NEGR1: variants seen among roughly 807,000 people sequenced by gnomAD.
NEGR1 encodes IgLON family member 4.
NEGR1 carries 10 observed loss-of-function variants against 40.9 expected under a neutral mutation model. That is an observed-to-expected ratio of 0.24 (90% confidence interval 0.15 to 0.42). The LOEUF (loss-of-function observed/expected upper bound fraction) is 0.42, where lower values mean the gene tolerates loss of function less well. NEGR1 is among the 10% of genes least tolerant of loss of function. The pLI is 1.00. For synonymous variants in NEGR1, 185 were observed against 166.8 expected (o/e 1.11, Z -0.84); for missense variants, 352 against 438.9 (o/e 0.80, Z 1.77).
intron 6 of NEGR1, among the ~76,000 whole-genome samples, chr1:71,465,865 A>G (rs1455436324): frequency 6.6e-6 from 1 of 152,086 alleles, no homozygotes; most frequent in Non-Finnish European, 1.5e-5. Context: ...GAAAATTATT[A>G]TCTTGGTTCA....
At chr1:71,554,894 A>T (rs1438358209) in intron 6 of NEGR1, among the ~76,000 whole-genome samples, 1 of 151,504 alleles carries the variant, frequency 6.6e-6, no homozygotes, top group Non-Finnish European at 1.5e-5. Flanking sequence ...AGTCCCAGAA[A>T]TCCAAGAACC....
chr1:71,685,407 C>T (rs1652998745), intron 4 of NEGR1, among the ~76,000 whole-genome samples: 1 of 151,304 alleles, frequency 6.6e-6, no homozygotes, highest in Non-Finnish European at 1.5e-5. Flanking sequence ...ACTGCAAACT[C>T]CGCCTCCTGG....
intron 1 of NEGR1, among the ~76,000 whole-genome samples, chr1:72,202,889 G>T (rs1653265325): frequency 6.6e-6 from 1 of 151,880 alleles, no homozygotes; most frequent in South Asian, 2.1e-4. Flanking sequence ...CCTATAAATA[G>T]AACAAAGCCT....
intron 2 of NEGR1, among the ~76,000 whole-genome samples, chr1:71,931,910 T>G (rs560781203): frequency 1.4e-4 from 22 of 152,178 alleles, no homozygotes; most frequent in Non-Finnish European, 1.9e-4. Flanking sequence ...AAATTAGTTC[T>G]TAGTAAATAT....
intron 1 of NEGR1, among the ~76,000 whole-genome samples, chr1:72,155,400 A>T (rs936840863): frequency 6.6e-6 from 1 of 152,078 alleles, no homozygotes; most frequent in Non-Finnish European, 1.5e-5. Context: ...TTTGTCAATT[A>T]TCCTAAGAAC....
intron 2 of NEGR1, among the ~76,000 whole-genome samples, chr1:71,831,511 C>G (rs1036848355): frequency 3.3e-5 from 5 of 151,860 alleles, no homozygotes; most frequent in African/African-American, 7.3e-5. Flanking sequence ...TCATGGAGAA[C>G]CTACTGTGAG....
intron 1 of NEGR1, among the ~76,000 whole-genome samples, chr1:72,232,124 G>A (rs1654385266): frequency 6.6e-6 from 1 of 152,176 alleles, no homozygotes; most frequent in South Asian, 2.1e-4. Context: ...GGGAGGCTGA[G>A]GCGGGCGGAT....
At chr1:72,251,381 G>T (rs1655083275) in intron 1 of NEGR1, among the ~76,000 whole-genome samples, 2 of 152,068 alleles carry the variant, frequency 1.3e-5, no homozygotes, top group Admixed American at 1.3e-4. Flanking sequence ...AACATTAATA[G>T]ATAATAATTA....
intron 4 of NEGR1, among the ~76,000 whole-genome samples, chr1:71,650,864 A>C (rs1651691251): frequency 6.6e-6 from 1 of 152,136 alleles, no homozygotes; most frequent in Non-Finnish European, 1.5e-5. Context: ...CAGCTTTTTC[A>C]TACTTTTATT....
At chr1:72,070,347 C>T (rs1647409615) in intron 1 of NEGR1, among the ~76,000 whole-genome samples, 3 of 151,874 alleles carry the variant, frequency 2.0e-5, no homozygotes. Flanking sequence ...CTTTCTTGTA[C>T]TTGTTCTCTC....
intron 2 of NEGR1, among the ~76,000 whole-genome samples, chr1:71,806,796 T>C (rs573433234): frequency 3.7e-4 from 56 of 152,004 alleles, no homozygotes; most frequent in African/African-American, 1.1e-3. Context: ...TTATCTGAAA[T>C]GAAATTGTCT....
chr1:72,252,342 C>A (rs1655130695), intron 1 of NEGR1, among the ~76,000 whole-genome samples: 1 of 152,074 alleles, frequency 6.6e-6, no homozygotes, highest in South Asian at 2.1e-4. Context: ...TTGCGCCCAG[C>A]CTTCAGCCTT....
chr1:71,454,560 T>TA (rs36042960), intron 6 of NEGR1, among the ~76,000 whole-genome samples: 107,743 of 151,868 alleles, frequency 0.71, 38,966 homozygotes, highest in Non-Finnish European at 0.77. Flanking sequence ...CTTGTGGTTT[T>TA]AAAAAAATTT....
At chr1:71,764,980 T>C (rs1202993184) in intron 3 of NEGR1, among the ~76,000 whole-genome samples, 5 of 151,804 alleles carry the variant, frequency 3.3e-5, no homozygotes, top group South Asian at 2.1e-4. Flanking sequence ...AGCTCAGTGG[T>C]TGGACCGAGA....
chr1:71,923,852 G>T (rs7543109), intron 2 of NEGR1, among the ~76,000 whole-genome samples: 5,455 of 152,088 alleles, frequency 0.036, 323 homozygotes, highest in African/African-American at 0.12. Context: ...CCACTTTTAA[G>T]GTCCCATGTG....
intron 3 of NEGR1, among the ~76,000 whole-genome samples, chr1:71,731,656 G>C (rs1310075965): frequency 2.0e-5 from 3 of 152,098 alleles, no homozygotes; most frequent in Non-Finnish European, 2.9e-5. Flanking sequence ...TTCATCAGTA[G>C]AGCAGGCAAA....
intron 1 of NEGR1, among the ~76,000 whole-genome samples, chr1:72,088,678 T>C (rs897151634): frequency 6.6e-6 from 1 of 152,064 alleles, no homozygotes; most frequent in African/African-American, 2.4e-5. Context: ...AAATCGTACC[T>C]TCGAATTTAT....
At chr1:72,053,680 C>G (rs1019747347) in intron 1 of NEGR1, among the ~76,000 whole-genome samples, 1 of 151,106 alleles carries the variant, frequency 6.6e-6, no homozygotes, top group African/African-American at 2.4e-5. Flanking sequence ...CTATAATTAG[C>G]TAACTTATAC....
chr1:72,172,945 A>T (rs1210345908), intron 1 of NEGR1, among the ~76,000 whole-genome samples: 1 of 151,952 alleles, frequency 6.6e-6, no homozygotes, highest in African/African-American at 2.4e-5. Context: ...CCTTGTGCCC[A>T]CCTGAATAAT....
Sources: gnomAD v4.1 joint callset for allele counts (sites outside exome capture counted in the v4.1 genomes callset) on GRCh38, gnomAD v4.1.1 for gene constraint, MANE v1.5 for transcripts, NCBI Gene and HGNC (gene_info 2026-07-23, HGNC 2026-07-21) for gene names.